The following MAP2K1 variants were observed in gnomAD, a reference collection of about 807,000 sequenced individuals.
MAP2K1 encodes dual specificity mitogen-activated protein kinase kinase 1.
Under a neutral mutation model 46.3 loss-of-function variants are expected in MAP2K1, and 16 were observed. The ratio of observed to expected loss-of-function variants is 0.35; its 90% CI spans 0.23 to 0.52. The LOEUF (loss-of-function observed/expected upper bound fraction) is 0.52, where lower values mean the gene tolerates loss of function less well. Ranked by LOEUF, MAP2K1 falls within the 20% of genes least tolerant of loss-of-function variation. The probability of loss-of-function intolerance (pLI) is 0.94; values close to 1 mark genes in which losing one functional copy is unlikely to be tolerated. For missense variants in MAP2K1, 263 were observed against 497.1 expected (o/e 0.53, Z 4.48); for synonymous variants, 183 against 185.6 (o/e 0.99, Z 0.11).
At chr15:66,415,277 C>T (rs1036651517) in intron 1 of MAP2K1, 33 of 355,800 alleles carry the variant, frequency 9.3e-5, no homozygotes, top group Middle Eastern at 1.0e-3. Context: ...ACCTTATTGG[C>T]GTAAACTATC....
At chr15:66,480,876 C>G (rs757101871) in intron 5 of MAP2K1, among the ~76,000 whole-genome samples, 1 of 152,202 alleles carries the variant, frequency 6.6e-6, no homozygotes, top group African/African-American at 2.4e-5. Flanking sequence ...GTTTGCTCAC[C>G]TATAAATGAG....
chr15:66,423,135 G>T (rs919086156), intron 1 of MAP2K1, among the ~76,000 whole-genome samples: 5 of 151,970 alleles, frequency 3.3e-5, no homozygotes, highest in Non-Finnish European at 5.9e-5. Context: ...TATCTTCAGG[G>T]TCACTGATTG....
chr15:66,433,968 G>T (rs138513103), intron 1 of MAP2K1, among the ~76,000 whole-genome samples: 3 of 152,288 alleles, frequency 2.0e-5, no homozygotes, highest in East Asian at 3.9e-4. Flanking sequence ...CTGCAGGCAG[G>T]CTGCTCTCTG....
chr15:66,446,644 C>T (rs1448922185), intron 5 of MAP2K1: 5 of 386,030 alleles, frequency 1.3e-5, no homozygotes, highest in Non-Finnish European at 2.8e-5. Context: ...TACATAAGCA[C>T]ATCTCTTGCC....
chr15:66,439,170 T>C (rs1189145502), intron 3 of MAP2K1, among the ~76,000 whole-genome samples: 1 of 152,238 alleles, frequency 6.6e-6, no homozygotes, highest in Non-Finnish European at 1.5e-5. Context: ...CTGCTTCCCT[T>C]GGACCTTCTG....
At chr15:66,404,605 AAAGG>A in intron 1 of MAP2K1, among the ~76,000 whole-genome samples, 3 of 152,234 alleles carry the variant, frequency 2.0e-5, no homozygotes, top group Non-Finnish European at 4.4e-5. Flanking sequence ...TTCCAGTTAA[AAAGG>A]AAGGCGTAAC....
intron 1 of MAP2K1, among the ~76,000 whole-genome samples, chr15:66,408,732 G>C (rs2093404055): frequency 6.6e-6 from 1 of 152,016 alleles, no homozygotes; most frequent in Non-Finnish European, 1.5e-5. Flanking sequence ...CTCATACTAT[G>C]TCTTCTACTG....
chr15:66,447,550 G>A (rs58500682), intron 5 of MAP2K1, among the ~76,000 whole-genome samples: 9,368 of 151,586 alleles, frequency 0.062, 948 homozygotes, highest in African/African-American at 0.21. Flanking sequence ...AATTAGCTGC[G>A]TGTGGTGGCG....
chr15:66,470,677 C>A (rs1012218232), intron 5 of MAP2K1, among the ~76,000 whole-genome samples: 2 of 152,210 alleles, frequency 1.3e-5, no homozygotes, highest in Non-Finnish European at 2.9e-5. Flanking sequence ...AAAGATAGCT[C>A]AAGCTGGTAC....
At chr15:66,408,563 G>T (rs1435859304) in intron 1 of MAP2K1, among the ~76,000 whole-genome samples, 3 of 151,990 alleles carry the variant, frequency 2.0e-5, no homozygotes, top group African/African-American at 7.2e-5. Context: ...ATGGGGTTGT[G>T]TTGGGCGGGG....
At chr15:66,464,096 A>G (rs1172158453) in intron 5 of MAP2K1, among the ~76,000 whole-genome samples, 1 of 152,074 alleles carries the variant, frequency 6.6e-6, no homozygotes, top group East Asian at 1.9e-4. Context: ...TTTCTTTCAC[A>G]TTTCCCCCCT....
chr15:66,392,420 C>T (rs2093358800), intron 1 of MAP2K1, among the ~76,000 whole-genome samples: 1 of 151,560 alleles, frequency 6.6e-6, no homozygotes, highest in South Asian at 2.1e-4. Flanking sequence ...CTCAAGCGAT[C>T]TGCCCACCTC....
At chr15:66,395,889 T>G (rs1301128118) in intron 1 of MAP2K1, among the ~76,000 whole-genome samples, 2 of 152,142 alleles carry the variant, frequency 1.3e-5, no homozygotes, top group African/African-American at 4.8e-5. Context: ...TATTTTTGTT[T>G]TATACTTGCC....
intron 2 of MAP2K1, 50 bp from the exon 3 acceptor site, chr15:66,436,696 T>TTCC: frequency 1.3e-6 from 2 of 1,560,776 alleles, no homozygotes; most frequent in Non-Finnish European, 1.8e-6. Context: ...CTTTCATCCC[T>TTCC]TCCTCCCTCT....
chr15:66,466,622 A>G (rs890975687), intron 5 of MAP2K1, among the ~76,000 whole-genome samples: 4 of 152,002 alleles, frequency 2.6e-5, no homozygotes, highest in Admixed American at 6.6e-5. Context: ...GGAGGTTGCA[A>G]TGAGCTGAGA....
intron 1 of MAP2K1, among the ~76,000 whole-genome samples, chr15:66,425,377 A>G (rs2093455285): frequency 6.6e-6 from 1 of 151,286 alleles, no homozygotes; most frequent in Non-Finnish European, 1.5e-5. Context: ...CACTCAATTT[A>G]GCAGAATTTT....
At chr15:66,436,922 A>G (rs1366713472) in intron 3 of MAP2K1, 30 bp downstream of exon 3, 2 of 1,613,348 alleles carry the variant, frequency 1.2e-6, no homozygotes, top group South Asian at 2.2e-5. Context: ...CCTCTGGAGC[A>G]ATGGCCTTAA....
chr15:66,428,271 C>CGTGTGTGTGTGTGT lies in MAP2K1; in HGVS notation c.81-6715_81-6702dup, dbSNP rs67373670. ...AGAAACAGAACCAACAGCAGTTGTG[C>CGTGTGTGTGTGTGT]GTGTGTGTGTGTGTGTGTGTGTGTG... is the stretch of plus-strand genomic sequence containing the variant. On this transcript the variant is annotated intron_variant, in intron 1 of 10. Coordinates refer to ENST00000307102, the MANE Select transcript of MAP2K1 (RefSeq NM_002755.4). 5.4e-4 allele frequency among the ~76,000 whole-genome samples: 66 copies of CGTGTGTGTGTGTGT among 122,374 alleles called. 2 individuals are homozygous for CGTGTGTGTGTGTGT. Among genetic ancestry groups the CGTGTGTGTGTGTGT allele is most frequent in the Non-Finnish European group, 8.1e-4 (48 of 59,068 alleles). The allele number at this position is 122,374 out of a possible 152,430, so 80.3% of individuals were successfully genotyped here.
At position 66,436,906 on chromosome 15, in the gene MAP2K1, T is replaced by G; in HGVS notation, c.438+14T>G. The G allele has an allele frequency of 6.2e-7, 1 of 1,613,902 alleles. No homozygotes were observed. Among genetic ancestry groups the G allele is most frequent in the Non-Finnish European group, 8.5e-7 (1 of 1,179,884 alleles). ...ATGGAGCACATGGTATGTGACACCC[T>G]CTCAGCCTCTGGAGCAATGGCCTTA... On this transcript the variant is annotated intron_variant, in intron 3 of 10. Coordinates refer to ENST00000307102, the MANE Select transcript of MAP2K1 (RefSeq NM_002755.4).
Sources: gnomAD v4.1 joint callset for allele counts (sites outside exome capture counted in the v4.1 genomes callset) on GRCh38, gnomAD v4.1.1 for gene constraint, MANE v1.5 for transcripts, NCBI Gene and HGNC (gene_info 2026-07-23, HGNC 2026-07-21) for gene names.